The following DACH2 variants were observed in gnomAD, a reference collection of about 807,000 sequenced individuals.
The protein encoded by DACH2 is dachshund homolog 2.
DACH2 carries 17 observed loss-of-function variants against 35.8 expected under a neutral mutation model. That is an observed-to-expected ratio of 0.48 (90% CI 0.33 to 0.71). DACH2 has a LOEUF of 0.71. Ranked by LOEUF, DACH2 falls within the 30% of genes least tolerant of loss-of-function variation. The pLI is 0.02. For missense variants in DACH2, 469 were observed against 472.7 expected (o/e 0.99, Z 0.07); for synonymous variants, 195 against 177.3 (o/e 1.10, Z -0.79).
intron 3 of DACH2, among the ~76,000 whole-genome samples, chrX:86,517,877 C>T (rs1477554533): frequency 9.0e-6 from 1 of 111,511 alleles, no homozygotes; most frequent in Non-Finnish European, 1.9e-5. Context: ...GTTTCTTTTG[C>T]TGTGCATAAG....
At chrX:86,327,279 T>C (rs767435332) in intron 1 of DACH2, among the ~76,000 whole-genome samples, 1 of 112,114 alleles carries the variant, frequency 8.9e-6, no homozygotes, top group Non-Finnish European at 1.9e-5. Context: ...GGAAAGGAGC[T>C]GTTAATTATA....
At chrX:86,765,864 T>C (rs1476530920) in intron 7 of DACH2, among the ~76,000 whole-genome samples, 2 of 109,428 alleles carry the variant, frequency 1.8e-5, no homozygotes, top group African/African-American at 3.3e-5. Flanking sequence ...ATTTTAACTA[T>C]ATTGATACTT....
intron 1 of DACH2, among the ~76,000 whole-genome samples, chrX:86,257,337 T>C (rs1236207959): frequency 8.9e-6 from 1 of 112,667 alleles, no homozygotes; most frequent in Admixed American, 9.4e-5. Context: ...ATATTTCCTC[T>C]AAGAAATGGT....
rs148231164 is a variant in DACH2, at chrX:86,539,962, C to A, written c.640+25571C>A. On this transcript the variant is annotated intron_variant, in intron 3 of 11. Coordinates refer to ENST00000373125, the MANE Select transcript of DACH2 (RefSeq NM_053281.3). ...GAAAGGGGGTCTCTCTACAACTTGA[C>A]TTAGGAGGTTTAAAAATCAGTGTGA... is the stretch of plus-strand genomic sequence containing the variant. Among the ~76,000 whole-genome samples the A allele has an allele frequency of 3.7e-3, 410 of 111,095 alleles. 3 individuals carry two copies. Among genetic ancestry groups the A allele is most frequent in the African/African-American group, 0.013 (397 of 30,625 alleles).
At chrX:86,288,266 G>A (rs1465289914) in intron 1 of DACH2, among the ~76,000 whole-genome samples, 1 of 73,635 alleles carries the variant, frequency 1.4e-5, no homozygotes, top group African/African-American at 6.1e-5. Context: ...TTCTGAGTCA[G>A]TTAAAGCTAG....
intron 2 of DACH2, among the ~76,000 whole-genome samples, chrX:86,476,860 T>C (rs1002952420): frequency 3.6e-5 from 4 of 111,449 alleles, no homozygotes; most frequent in Non-Finnish European, 7.6e-5. Flanking sequence ...TCATTATCAT[T>C]TGTTTCAAGA....
intron 2 of DACH2, among the ~76,000 whole-genome samples, chrX:86,430,495 C>T (rs999493981): frequency 8.9e-6 from 1 of 112,025 alleles, no homozygotes; most frequent in African/African-American, 3.2e-5. Flanking sequence ...GATGTGTTAC[C>T]GACATGGTAT....
At chrX:86,276,476 T>G (rs1426150253) in intron 1 of DACH2, among the ~76,000 whole-genome samples, 1 of 111,751 alleles carries the variant, frequency 8.9e-6, no homozygotes, top group African/African-American at 3.2e-5. Flanking sequence ...TCTCATTCTG[T>G]GAGTAGTGTT....
chrX:86,648,062 C>T (rs759990507), intron 3 of DACH2, among the ~76,000 whole-genome samples: 1 of 110,608 alleles, frequency 9.0e-6, no homozygotes, highest in Non-Finnish European at 1.9e-5. Context: ...TCGGTAAGTG[C>T]AAAATGTGAA....
chrX:86,315,147 A>C (rs1350206145), intron 1 of DACH2, among the ~76,000 whole-genome samples: 1 of 111,899 alleles, frequency 8.9e-6, no homozygotes, highest in Non-Finnish European at 1.9e-5. Flanking sequence ...GTTGAAACCA[A>C]TGCTCATTTA....
chrX:86,435,480 A>T (rs1299730640), intron 2 of DACH2, among the ~76,000 whole-genome samples: 3 of 111,951 alleles, frequency 2.7e-5, no homozygotes, highest in African/African-American at 9.7e-5. Flanking sequence ...ATTAAAACAA[A>T]ATTGAATCAA....
At chrX:86,161,986 C>A (rs2030776487) in intron 1 of DACH2, among the ~76,000 whole-genome samples, 1 of 111,970 alleles carries the variant, frequency 8.9e-6, no homozygotes, top group Non-Finnish European at 1.9e-5. Context: ...ACTCCATAGG[C>A]AGAGCAGCCT....
At chrX:86,399,243 C>T (rs1481103680) in intron 2 of DACH2, among the ~76,000 whole-genome samples, 1 of 111,382 alleles carries the variant, frequency 9.0e-6, no homozygotes, top group African/African-American at 3.3e-5. Context: ...GGTAGATCTT[C>T]CTCCATCCCT....
intron 2 of DACH2, among the ~76,000 whole-genome samples, chrX:86,400,797 G>A (rs942164518): frequency 3.6e-5 from 4 of 111,933 alleles, no homozygotes; most frequent in South Asian, 3.7e-4. Context: ...CTACTGGGGG[G>A]TGCCTCCTAG....
chrX:86,382,329 T>A (rs779721847), intron 2 of DACH2, among the ~76,000 whole-genome samples: 3 of 109,556 alleles, frequency 2.7e-5, no homozygotes, highest in Non-Finnish European at 5.8e-5. Flanking sequence ...TTTTCTTAGA[T>A]TCTATGTGTA....
At chrX:86,538,798 T>G (rs902607040) in intron 3 of DACH2, among the ~76,000 whole-genome samples, 3 of 111,904 alleles carry the variant, frequency 2.7e-5, no homozygotes, top group Non-Finnish European at 5.6e-5. Flanking sequence ...ACATGCTTTT[T>G]GGGAGACATA....
chrX:86,153,324 T>A (rs1471479898), intron 1 of DACH2, among the ~76,000 whole-genome samples: 8 of 111,649 alleles, frequency 7.2e-5, no homozygotes, highest in Non-Finnish European at 1.5e-4. Flanking sequence ...TAAATATGGT[T>A]TTATATTAAA....
rs1187726492 is a variant in DACH2, at chrX:86,507,224, G to A, written c.528-7055G>A. Among the ~76,000 whole-genome samples the A allele has an allele frequency of 2.7e-5, 3 of 111,048 alleles. No homozygotes were observed. The Admixed American group carries it at 2.9e-4, about 11-fold the overall frequency. ...TCCTAAATTGTAATATTAACACCAT[G>A]CTGCTGCATTTTCTGATTGCCATTC... On this transcript the variant is annotated intron_variant, in intron 2 of 11. Transcript: ENST00000373125.
intron 3 of DACH2, among the ~76,000 whole-genome samples, chrX:86,588,800 G>C (rs1180314268): frequency 1.8e-5 from 2 of 110,777 alleles, no homozygotes; most frequent in Non-Finnish European, 3.8e-5. Context: ...GAATTGTTTT[G>C]TCAGCAAAGA....
Sources: gnomAD v4.1 joint callset for allele counts (sites outside exome capture counted in the v4.1 genomes callset) on GRCh38, gnomAD v4.1.1 for gene constraint, MANE v1.5 for transcripts, NCBI Gene and HGNC (gene_info 2026-07-23, HGNC 2026-07-21) for gene names.